HS6ST2: variants seen among roughly 807,000 people sequenced by gnomAD.
HS6ST2 encodes the protein heparan-sulfate 6-O-sulfotransferase 2.
A neutral mutation model predicts 33.0 loss-of-function variants in HS6ST2; 17 were observed. The observed-to-expected ratio is 0.52, with a 90% CI of 0.35 to 0.77. The LOEUF (loss-of-function observed/expected upper bound fraction) is 0.77, where lower values mean the gene tolerates loss of function less well. HS6ST2 is among the 30% of genes least tolerant of loss of function. The pLI is 0.01. For synonymous variants in HS6ST2, 248 were observed against 237.1 expected (o/e 1.05, Z -0.42); for missense variants, 519 against 551.7 (o/e 0.94, Z 0.59).
intron 4 of HS6ST2, among the ~76,000 whole-genome samples, chrX:132,637,665 G>C (rs1238348073): frequency 4.3e-5 from 4 of 93,516 alleles, no homozygotes; most frequent in Admixed American, 1.4e-4. Flanking sequence ...TTTAAGAAAG[G>C]AAACAAATTC....
intron 2 of HS6ST2, among the ~76,000 whole-genome samples, chrX:132,874,563 A>G (rs1049445004): frequency 8.9e-6 from 1 of 111,773 alleles, no homozygotes; most frequent in African/African-American, 3.3e-5. Flanking sequence ...CAAAAGAGCA[A>G]GACTCAGTCT....
chrX:132,838,806 C>T (rs1350968182), intron 2 of HS6ST2, among the ~76,000 whole-genome samples: 4 of 108,656 alleles, frequency 3.7e-5, no homozygotes, highest in Admixed American at 9.9e-5. Flanking sequence ...AATTAAAAAG[C>T]GGGCAAAAGA....
intron 2 of HS6ST2, among the ~76,000 whole-genome samples, chrX:132,793,756 G>T (rs761791812): frequency 2.7e-5 from 3 of 112,425 alleles, no homozygotes; most frequent in Non-Finnish European, 5.6e-5. Context: ...AAGTAGCTAT[G>T]TTCCTGATAA....
intron 2 of HS6ST2, among the ~76,000 whole-genome samples, chrX:132,887,162 A>C (rs1233553763): frequency 9.0e-6 from 1 of 110,851 alleles, no homozygotes; most frequent in Non-Finnish European, 1.9e-5. Flanking sequence ...AAGATGAAAA[A>C]AGGTAACCAA....
intron 2 of HS6ST2, among the ~76,000 whole-genome samples, chrX:132,853,396 C>T (rs777138672): frequency 2.8e-5 from 3 of 107,356 alleles, no homozygotes; most frequent in African/African-American, 6.8e-5. Flanking sequence ...TGGGCTCAAG[C>T]GATCCTCCTG....
intron 2 of HS6ST2, among the ~76,000 whole-genome samples, chrX:132,952,474 T>C (rs2148505114): frequency 9.0e-6 from 1 of 111,188 alleles, no homozygotes. Context: ...TGTTGTGTCA[T>C]TTTGCCTCAC....
At chrX:132,643,976 C>CT (rs1166496213) in intron 4 of HS6ST2, among the ~76,000 whole-genome samples, 5 of 111,731 alleles carry the variant, frequency 4.5e-5, no homozygotes, top group African/African-American at 9.8e-5. Context: ...CTGGCTTGGG[C>CT]TTTTTTGTCT....
intron 4 of HS6ST2, among the ~76,000 whole-genome samples, chrX:132,637,924 A>AT (rs758351267): frequency 0.33 from 19,622 of 60,301 alleles, 4,292 homozygotes; most frequent in African/African-American, 0.77. Flanking sequence ...TATTTTATAT[A>AT]TATATTATAT....
intron 3 of HS6ST2, among the ~76,000 whole-genome samples, chrX:132,684,575 C>A (rs2064001103): frequency 9.1e-6 from 1 of 110,173 alleles, no homozygotes; most frequent in Non-Finnish European, 1.9e-5. Flanking sequence ...CAGTGGCTCC[C>A]TAAAGCACCT....
intron 4 of HS6ST2, among the ~76,000 whole-genome samples, chrX:132,652,059 C>T (rs1224320292): frequency 1.8e-5 from 2 of 111,795 alleles, no homozygotes; most frequent in Non-Finnish European, 3.8e-5. Flanking sequence ...TTCAAACCTA[C>T]ACTGAAGAGG....
intron 2 of HS6ST2, among the ~76,000 whole-genome samples, chrX:132,927,631 C>T (rs780489500): frequency 6.9e-4 from 77 of 111,314 alleles, no homozygotes; most frequent in African/African-American, 2.4e-3. Context: ...TTGGACCATA[C>T]TTGCATTGCT....
At chrX:132,853,029 C>T (rs961946680) in intron 2 of HS6ST2, among the ~76,000 whole-genome samples, 2 of 112,451 alleles carry the variant, frequency 1.8e-5, no homozygotes, top group Non-Finnish European at 3.8e-5. Flanking sequence ...TATAATCTCC[C>T]AACACACCAT....
intron 2 of HS6ST2, among the ~76,000 whole-genome samples, chrX:132,874,757 T>G (rs760662587): frequency 3.9e-4 from 43 of 111,033 alleles, no homozygotes; most frequent in Non-Finnish European, 7.6e-4. Context: ...TTCCACCCTT[T>G]CCAACTGGCT....
At chrX:132,720,955 A>T (rs2064322671) in intron 2 of HS6ST2, among the ~76,000 whole-genome samples, 1 of 111,734 alleles carries the variant, frequency 8.9e-6, no homozygotes, top group Non-Finnish European at 1.9e-5. Flanking sequence ...AGTGAAAGAG[A>T]GAGATAGGTC....
At chrX:132,684,163 G>A (rs1449311770) in intron 3 of HS6ST2, among the ~76,000 whole-genome samples, 1 of 105,800 alleles carries the variant, frequency 9.5e-6, no homozygotes, top group East Asian at 2.9e-4. Flanking sequence ...CCAAAACTAT[G>A]AAGCACTGAT....
At chrX:132,781,243 G>A (rs749017841) in intron 2 of HS6ST2, among the ~76,000 whole-genome samples, 13 of 111,996 alleles carry the variant, frequency 1.2e-4, no homozygotes, top group Non-Finnish European at 2.1e-4. Context: ...AAAAGGCTAG[G>A]TAGACATAGA....
intron 4 of HS6ST2, among the ~76,000 whole-genome samples, chrX:132,663,152 C>T (rs2063785880): frequency 8.9e-6 from 1 of 112,229 alleles, no homozygotes; most frequent in Non-Finnish European, 1.9e-5. Context: ...AACTCCAAAG[C>T]TGATGTTCTT....
intron 3 of HS6ST2, among the ~76,000 whole-genome samples, chrX:132,684,570 G>T (rs2064001008): frequency 9.1e-6 from 1 of 109,961 alleles, no homozygotes; most frequent in South Asian, 3.9e-4. Context: ...TGGACCAGTG[G>T]CTCCCTAAAG....
At chrX:132,765,023 G>A (rs1404863892) in intron 2 of HS6ST2, among the ~76,000 whole-genome samples, 4 of 111,998 alleles carry the variant, frequency 3.6e-5, no homozygotes, top group East Asian at 5.6e-4. Context: ...AGAACTTCAG[G>A]TGAATATAGC....
Sources: gnomAD v4.1 joint callset for allele counts (sites outside exome capture counted in the v4.1 genomes callset) on GRCh38, gnomAD v4.1.1 for gene constraint, MANE v1.5 for transcripts, NCBI Gene and HGNC (gene_info 2026-07-23, HGNC 2026-07-21) for gene names.